Variants in MAP3K5 observed in about 807,000 individuals in gnomAD.
MAP3K5 encodes ASK-1.
In MAP3K5, 56 loss-of-function variants were observed where a neutral mutation model predicts 158.7. The ratio of observed to expected loss-of-function variants is 0.35; its 90% CI spans 0.28 to 0.44. MAP3K5 has a LOEUF of 0.44. MAP3K5 is among the 20% of genes least tolerant of loss of function. The pLI, the probability that MAP3K5 is intolerant of heterozygous loss-of-function variation, is 1.00. For synonymous variants in MAP3K5, 579 were observed against 601.7 expected, an observed-to-expected ratio of 0.96 and a Z score of 0.55; for missense variants, 1,294 against 1,674.8, an observed-to-expected ratio of 0.77 and a Z score of 3.97.
chr6:136,767,320 A>G (rs891816437), intron 1 of MAP3K5, among the ~76,000 whole-genome samples: 1 of 151,906 alleles, frequency 6.6e-6, no homozygotes, highest in African/African-American at 2.4e-5. Context: ...GAGAGAGAAT[A>G]GAAAGGAAGG....
chr6:136,684,050 A>G (rs1288959637), intron 7 of MAP3K5, among the ~76,000 whole-genome samples: 1 of 151,988 alleles, frequency 6.6e-6, no homozygotes, highest in African/African-American at 2.4e-5. Context: ...TGGGCCACAT[A>G]GCGAGATCCC....
chr6:136,689,826 T>C (rs575784309), intron 7 of MAP3K5, among the ~76,000 whole-genome samples: 2 of 152,312 alleles, frequency 1.3e-5, no homozygotes, highest in African/African-American at 4.8e-5. Context: ...TCTTGTATTC[T>C]GTTTTGGCAG....
At chr6:136,757,432 T>C (rs952044075) in intron 1 of MAP3K5, among the ~76,000 whole-genome samples, 6 of 152,206 alleles carry the variant, frequency 3.9e-5, no homozygotes, top group Non-Finnish European at 7.3e-5. Flanking sequence ...TTATGAGCTG[T>C]CTGTCTAGTC....
At chr6:136,716,587 G>C (rs1182224273) in intron 2 of MAP3K5, among the ~76,000 whole-genome samples, 1 of 152,170 alleles carries the variant, frequency 6.6e-6, no homozygotes, top group East Asian at 1.9e-4. Context: ...TTTCTCCTAA[G>C]TCATCAGAGG....
intron 15 of MAP3K5, 104 bp downstream of exon 15, chr6:136,622,744 G>A: frequency 7.8e-7 from 1 of 1,274,944 alleles, no homozygotes; most frequent in South Asian, 1.4e-5. Flanking sequence ...ACAGAGTGAA[G>A]TTTTCACAGT....
intron 1 of MAP3K5, among the ~76,000 whole-genome samples, chr6:136,761,288 T>TAAA (rs368661488): frequency 0.077 from 9,108 of 118,238 alleles, 720 homozygotes; most frequent in African/African-American, 0.2. Context: ...ACCCTAACTT[T>TAAA]AAAAAAAAAA....
intron 1 of MAP3K5, among the ~76,000 whole-genome samples, chr6:136,760,054 G>A (rs951298068): frequency 5.9e-5 from 9 of 152,128 alleles, no homozygotes; most frequent in African/African-American, 2.2e-4. Context: ...TTTGAATCCT[G>A]TTCTTACAGA....
chr6:136,677,881 T>C (rs1440007988), intron 7 of MAP3K5, among the ~76,000 whole-genome samples: 1 of 152,266 alleles, frequency 6.6e-6, no homozygotes, highest in Non-Finnish European at 1.5e-5. Flanking sequence ...CTCTGCTTAC[T>C]GAGCACCTAC....
At chr6:136,752,995 G>T (rs1378514991) in intron 1 of MAP3K5, among the ~76,000 whole-genome samples, 1 of 152,030 alleles carries the variant, frequency 6.6e-6, no homozygotes, top group African/African-American at 2.4e-5. Context: ...CATAGTTCTT[G>T]CCCACATGCC....
chr6:136,753,980 C>G (rs1783340315), intron 1 of MAP3K5, among the ~76,000 whole-genome samples: 1 of 152,090 alleles, frequency 6.6e-6, no homozygotes, highest in Admixed American at 6.5e-5. Context: ...AAGAGGAGTA[C>G]TAGAAAATCC....
chr6:136,692,558 T>C (rs1780432581), intron 7 of MAP3K5, among the ~76,000 whole-genome samples: 2 of 152,222 alleles, frequency 1.3e-5, no homozygotes, highest in Non-Finnish European at 2.9e-5. Flanking sequence ...CTACTTTTAA[T>C]CACTCTTCAG....
intron 3 of MAP3K5, among the ~76,000 whole-genome samples, chr6:136,700,459 TATC>T (rs1780804071): frequency 6.6e-6 from 1 of 152,330 alleles, no homozygotes; most frequent in Admixed American, 6.5e-5. Flanking sequence ...TACAGAGTGG[TATC>T]ATTAACAGAA....
In MAP3K5 at chr6:136,622,855, C is replaced by T. The variant is rs1776870238; in HGVS notation, c.2143G>A (p.Asp715Asn). The change falls in exon 15 of 30, where the codon GAC (aspartate) becomes AAC (asparagine). Residue 715 changes from aspartate (D) to asparagine (N), a missense_variant. Asp to Asn is a conservative substitution (Grantham distance 23). Transcript: ENST00000359015. ...TAGCTACAATTACTGTACCTGCTGT[C>T]TCTCTCTGGGATTTCCTTAATAGCA... ...RIAIKEIPER[D>N]SRYSQPLHEE... is the part of the protein sequence containing the mutation. 1 of 1,612,862 alleles carries T rather than the reference C, an allele frequency of 6.2e-7. No individual in the cohort carries two copies.
intron 15 of MAP3K5, among the ~76,000 whole-genome samples, chr6:136,621,017 C>T (rs1330398434): frequency 6.6e-6 from 1 of 152,058 alleles, no homozygotes; most frequent in Non-Finnish European, 1.5e-5. Flanking sequence ...TAGGTTGGTG[C>T]AAAAGTAATT....
intron 11 of MAP3K5, among the ~76,000 whole-genome samples, chr6:136,650,783 T>G (rs886476091): frequency 3.9e-5 from 6 of 152,378 alleles, no homozygotes; most frequent in African/African-American, 1.4e-4. Context: ...AATAGTTCAA[T>G]TATATTTTAT....
chr6:136,677,193 AG>A (rs1240398014), intron 7 of MAP3K5, among the ~76,000 whole-genome samples: 2 of 121,572 alleles, frequency 1.6e-5, no homozygotes, highest in Non-Finnish European at 3.1e-5. Flanking sequence ...GCTGGAGTGT[AG>A]TGGCGCAATC....
At chr6:136,741,093 G>C (rs1782687962) in intron 1 of MAP3K5, among the ~76,000 whole-genome samples, 1 of 152,138 alleles carries the variant, frequency 6.6e-6, no homozygotes, top group Non-Finnish European at 1.5e-5. Flanking sequence ...CAGTAGCAAT[G>C]TGAGCCTCTT....
intron 1 of MAP3K5, among the ~76,000 whole-genome samples, chr6:136,724,215 T>C (rs909313018): frequency 6.6e-6 from 1 of 151,048 alleles, no homozygotes; most frequent in African/African-American, 2.4e-5. Flanking sequence ...ATAAAAACAC[T>C]GCAGAAAGTT....
intron 14 of MAP3K5, among the ~76,000 whole-genome samples, chr6:136,633,391 C>T (rs1269901963): frequency 6.6e-6 from 1 of 150,946 alleles, no homozygotes; most frequent in Non-Finnish European, 1.5e-5. Context: ...GAGCAAGACT[C>T]TGTCTGAAAA....
Sources: allele counts gnomAD v4.1 joint callset (sites outside exome capture counted in the v4.1 genomes callset), GRCh38; gene constraint gnomAD v4.1.1; transcripts MANE v1.5; gene names NCBI Gene and HGNC (gene_info 2026-07-23, HGNC 2026-07-21).